Variants in CAPSL observed in about 807,000 individuals in gnomAD.
The protein encoded by CAPSL is calcyphosin-like protein.
Under a neutral mutation model 21.3 loss-of-function variants are expected in CAPSL, and 17 were observed. That is an observed-to-expected ratio of 0.80 (90% CI 0.55 to 1.20). CAPSL has a LOEUF of 1.20. CAPSL is among the 50% of genes most tolerant of loss of function. CAPSL has a pLI of 0.00. For missense variants in CAPSL, 289 were observed against 259.3 expected (o/e 1.11, Z -0.79); for synonymous variants, 102 against 89.3 (o/e 1.14, Z -0.80).
At position 35,931,438 on chromosome 5, in the gene CAPSL, C is replaced by CAA. The variant is rs10710256; in HGVS notation, c.-1+7101_-1+7102dup. ...CCCATGTAACTGACACAATGTGTTA[C>CAA]AAAAAAAAAAAAACAAGGTTTAATA... On this transcript the variant is annotated intron_variant, in intron 1 of 4. Transcript: ENST00000651391. Among the ~76,000 whole-genome samples the CAA allele has an allele frequency of 9.7e-5, 14 of 144,014 alleles. No homozygotes were observed. The South Asian group carries it at 1.1e-3, about 11-fold the overall frequency. The allele number at this position is 144,014 out of a possible 152,430, so 94.5% of individuals were successfully genotyped here.
chr5:35,914,369 T>C (rs530322828), intron 2 of CAPSL, among the ~76,000 whole-genome samples: 1 of 152,292 alleles, frequency 6.6e-6, no homozygotes, highest in South Asian at 2.1e-4. Context: ...CTAATAGACA[T>C]CTACAGAACT....
At chr5:35,914,683 C>G (rs968517730) in intron 2 of CAPSL, among the ~76,000 whole-genome samples, 3 of 151,688 alleles carry the variant, frequency 2.0e-5, no homozygotes, top group African/African-American at 7.3e-5. Flanking sequence ...CACAACATAC[C>G]AGAATCTCTG....
intron 1 of CAPSL, among the ~76,000 whole-genome samples, chr5:35,931,725 G>A (rs1738831281): frequency 6.6e-6 from 1 of 152,212 alleles, no homozygotes; most frequent in African/African-American, 2.4e-5. Context: ...TAAGCAAAGA[G>A]TTAGCTGAAT....
chr5:35,908,801 A>G (rs1019705922), intron 4 of CAPSL, among the ~76,000 whole-genome samples: 52 of 152,330 alleles, frequency 3.4e-4, no homozygotes, highest in Middle Eastern at 3.4e-3. Context: ...CAGCAGGAAG[A>G]ACAGAAAGGT....
intron 3 of CAPSL, 94 bp downstream of exon 3, chr5:35,910,272 A>C (rs1738180164): frequency 1.5e-6 from 2 of 1,362,624 alleles, no homozygotes; most frequent in Non-Finnish European, 1.0e-6. Flanking sequence ...CCCACAGTGT[A>C]CTAACAACTT....
Position 35,904,467 on chromosome 5 carries a change from C to T in CAPSL, c.*78G>A, listed in dbSNP as rs992183068. 7.5e-6 allele frequency: 8 copies of T among 1,060,360 alleles called. No individual in the cohort carries two copies. The highest frequency in any genetic ancestry group is 4.3e-5 in the Admixed American group (2 of 46,828). 65.7% of individuals were successfully genotyped at this position (1,060,360 alleles called of 1,614,324 possible). On this transcript the variant is annotated 3_prime_UTR_variant, in exon 5 of 5. Transcript: ENST00000651391. The stretch of plus-strand genomic sequence containing the variant: ...ATTAGGATGAGTGTGAAATCAAATA[C>T]GATTCTGGTTTTTGAGCTGACATTT...
chr5:35,926,781 G>A (rs1738697203), intron 1 of CAPSL, among the ~76,000 whole-genome samples: 1 of 152,124 alleles, frequency 6.6e-6, no homozygotes, highest in Non-Finnish European at 1.5e-5. Flanking sequence ...ACACTATAAG[G>A]CACCAACGCT....
At position 35,909,861 on chromosome 5, in the gene CAPSL, C is replaced by T; in HGVS notation, c.525+5G>A. On this transcript the variant is annotated splice_donor_5th_base_variant and intron_variant, in intron 4 of 4. Transcript: ENST00000651391. ...ATTTCCCCTAGATTAGGCTCTTTTA[C>T]TTACCAATCCATCTTTGTCATAGGG... The T allele has an allele frequency of 6.2e-7, 1 of 1,604,236 alleles. No homozygotes were observed. Among genetic ancestry groups the T allele is most frequent in the East Asian group, 2.2e-5 (1 of 44,822 alleles).
intron 2 of CAPSL, among the ~76,000 whole-genome samples, chr5:35,912,803 C>T (rs913770456): frequency 2.6e-5 from 4 of 152,182 alleles, no homozygotes; most frequent in African/African-American, 9.7e-5. Context: ...AGCAGAGTGC[C>T]TCTCCTCCTC....
At chr5:35,911,932 G>A (rs914776893) in intron 2 of CAPSL, among the ~76,000 whole-genome samples, 12 of 152,176 alleles carry the variant, frequency 7.9e-5, no homozygotes, top group South Asian at 4.1e-4. Context: ...CCCAGGAAGC[G>A]CAAGGGGTCA....
At chr5:35,915,368 G>A (rs1738349764) in intron 2 of CAPSL, among the ~76,000 whole-genome samples, 2 of 152,172 alleles carry the variant, frequency 1.3e-5, no homozygotes, top group Non-Finnish European at 2.9e-5. Context: ...TAGGAGGCCA[G>A]CATCATCCTG....
chr5:35,905,955 C>T (rs1760665486), intron 4 of CAPSL, among the ~76,000 whole-genome samples: 1 of 152,146 alleles, frequency 6.6e-6, no homozygotes, highest in African/African-American at 2.4e-5. Flanking sequence ...TTGTTGTGCA[C>T]ACTACAGTAA....
chr5:35,908,581 G>C (rs1738098994), intron 4 of CAPSL, among the ~76,000 whole-genome samples: 1 of 152,142 alleles, frequency 6.6e-6, no homozygotes. Flanking sequence ...ATCCACAAAG[G>C]GGTGGGCTAA....
chr5:35,917,624 C>A lies in CAPSL; in HGVS notation c.137+3360G>T, dbSNP rs527306228. ...AGCAAACTATTGCAAGGACAAAAAA[C>A]CAAACACCGCATGTTCGCACTCATA... On this transcript the variant is annotated intron_variant, in intron 2 of 4. Coordinates refer to ENST00000651391, the MANE Select transcript of CAPSL (RefSeq NM_001042625.2). 1.4e-4 allele frequency among the ~76,000 whole-genome samples: 22 copies of A among 152,172 alleles called. 1 individual carries two copies. In the South Asian group the frequency reaches 3.5e-3, roughly 24 times the overall value.
At chr5:35,925,979 G>A (rs1454553778) in intron 1 of CAPSL, among the ~76,000 whole-genome samples, 2 of 151,670 alleles carry the variant, frequency 1.3e-5, no homozygotes, top group Non-Finnish European at 2.9e-5. Context: ...GGGAGGCTGA[G>A]GCAGGAGAAT....
chr5:35,905,419 T>C (rs1019450334), intron 4 of CAPSL, among the ~76,000 whole-genome samples: 1 of 152,160 alleles, frequency 6.6e-6, no homozygotes, highest in African/African-American at 2.4e-5. Context: ...CCAAGAATCA[T>C]AAGAGATGAC....
chr5:35,907,934 A>T (rs1334516596), intron 4 of CAPSL, among the ~76,000 whole-genome samples: 1 of 152,202 alleles, frequency 6.6e-6, no homozygotes, highest in Non-Finnish European at 1.5e-5. Context: ...TTGTGCATTT[A>T]AAATACAATT....
chr5:35,922,590 A>T (rs1738567832), intron 1 of CAPSL, among the ~76,000 whole-genome samples: 1 of 152,200 alleles, frequency 6.6e-6, no homozygotes. Context: ...GCACCTAAGC[A>T]GAGGTTCCCT....
chr5:35,908,924 C>G (rs926992891), intron 4 of CAPSL, among the ~76,000 whole-genome samples: 5 of 152,164 alleles, frequency 3.3e-5, no homozygotes, highest in African/African-American at 1.2e-4. Context: ...CCCTTAACCA[C>G]TCTCTTCTTG....
Sources: allele counts gnomAD v4.1 joint callset (sites outside exome capture counted in the v4.1 genomes callset), GRCh38; gene constraint gnomAD v4.1.1; transcripts MANE v1.5; gene names NCBI Gene and HGNC (gene_info 2026-07-23, HGNC 2026-07-21).